MAPK8: variants seen among roughly 807,000 people sequenced by gnomAD.
MAPK8 encodes the protein mitogen-activated protein kinase 8.
A neutral mutation model predicts 52.9 loss-of-function variants in MAPK8; 13 were observed. The ratio of observed to expected loss-of-function variants is 0.25; its 90% CI spans 0.16 to 0.39. The LOEUF (loss-of-function observed/expected upper bound fraction) is 0.39. Among genes scored for constraint, MAPK8 ranks in the 10% least tolerant of loss-of-function variants. The pLI, the probability that MAPK8 is intolerant of heterozygous loss-of-function variation, is 1.00. For synonymous variants in MAPK8, 191 were observed against 169.8 expected, an observed-to-expected ratio of 1.12 and a Z score of -0.97; for missense variants, 300 against 519.2, an observed-to-expected ratio of 0.58 and a Z score of 4.10.
At chr10:48,379,317 G>T (rs2040852209) in intron 1 of MAPK8, among the ~76,000 whole-genome samples, 1 of 152,146 alleles carries the variant, frequency 6.6e-6, no homozygotes, top group Admixed American at 6.5e-5. Context: ...TTTCCAAGGG[G>T]CTTTTTATTG....
At chr10:48,398,064 A>G (rs1433126854) in intron 1 of MAPK8, among the ~76,000 whole-genome samples, 1 of 152,186 alleles carries the variant, frequency 6.6e-6, no homozygotes, top group Non-Finnish European at 1.5e-5. Context: ...TGATAGTTGT[A>G]CTATGGTTTG....
chr10:48,418,873 A>T (rs1405321578), intron 5 of MAPK8, among the ~76,000 whole-genome samples: 1 of 152,160 alleles, frequency 6.6e-6, no homozygotes, highest in Non-Finnish European at 1.5e-5. Context: ...TTGAAATTGG[A>T]ATGTTATTTC....
At chr10:48,391,450 G>A (rs1466923392) in intron 1 of MAPK8, among the ~76,000 whole-genome samples, 6 of 152,170 alleles carry the variant, frequency 3.9e-5, no homozygotes, top group Non-Finnish European at 8.8e-5. Context: ...CAAGCTTCAT[G>A]ATGGAGAGAT....
intron 5 of MAPK8, among the ~76,000 whole-genome samples, chr10:48,418,301 C>T (rs2043171766): frequency 6.6e-6 from 1 of 152,118 alleles, no homozygotes; most frequent in African/African-American, 2.4e-5. Flanking sequence ...TAATTAACAC[C>T]CCACCTCTGA....
At chr10:48,318,985 G>C (rs1367987382) in intron 1 of MAPK8, among the ~76,000 whole-genome samples, 3 of 152,172 alleles carry the variant, frequency 2.0e-5, no homozygotes, top group Non-Finnish European at 2.9e-5. Flanking sequence ...TAACCAGGGA[G>C]AGCTGGATTT....
chr10:48,414,448 A>AATT (rs2042948683), intron 5 of MAPK8, among the ~76,000 whole-genome samples: 1 of 133,822 alleles, frequency 7.5e-6, no homozygotes, highest in African/African-American at 2.8e-5. Flanking sequence ...TATTGAGAGG[A>AATT]TTTTTTTTTT....
intron 1 of MAPK8, among the ~76,000 whole-genome samples, chr10:48,346,920 A>G (rs919598674): frequency 2.6e-5 from 4 of 152,074 alleles, no homozygotes; most frequent in African/African-American, 4.8e-5. Context: ...GACCTTACCT[A>G]TCATTGGAGG....
intron 6 of MAPK8, among the ~76,000 whole-genome samples, chr10:48,421,285 TTTTA>T (rs2043339132): frequency 1.3e-5 from 2 of 152,352 alleles, no homozygotes; most frequent in South Asian, 4.1e-4. Context: ...GCTATTAATT[TTTTA>T]TTCTTAAGTA....
chr10:48,358,052 A>G (rs1847150671), intron 1 of MAPK8, among the ~76,000 whole-genome samples: 2 of 152,210 alleles, frequency 1.3e-5, no homozygotes, highest in Non-Finnish European at 1.5e-5. Context: ...CATTTTGTTT[A>G]TCCAGTCATT....
intron 1 of MAPK8, among the ~76,000 whole-genome samples, chr10:48,321,089 G>GTT (rs34616108): frequency 0.02 from 1,908 of 93,898 alleles, 70 homozygotes; most frequent in African/African-American, 0.055. Context: ...CGTTGTAAGA[G>GTT]TTTTTTTTTT....
At chr10:48,373,571 CAAAAAAAA>C (rs539162576) in intron 1 of MAPK8, among the ~76,000 whole-genome samples, 30 of 16,844 alleles carry the variant, frequency 1.8e-3, no homozygotes, top group South Asian at 0.014. Flanking sequence ...AAATTGAAAG[CAAAAAAAA>C]AAAAAAAAAA....
chr10:48,317,691 C>T (rs1842634808), intron 1 of MAPK8, among the ~76,000 whole-genome samples: 1 of 152,108 alleles, frequency 6.6e-6, no homozygotes, highest in Non-Finnish European at 1.5e-5. Flanking sequence ...TCTTTTCCAT[C>T]TAACAGGAGG....
chr10:48,308,929 G>T, intron 1 of MAPK8, among the ~76,000 whole-genome samples: 1 of 152,190 alleles, frequency 6.6e-6, no homozygotes, highest in East Asian at 1.9e-4. Context: ...GTATTTGAAA[G>T]AATATGAAAT....
chr10:48,308,931 A>G (rs1841672852), intron 1 of MAPK8, among the ~76,000 whole-genome samples: 1 of 152,264 alleles, frequency 6.6e-6, no homozygotes, highest in Non-Finnish European at 1.5e-5. Context: ...ATTTGAAAGA[A>G]TATGAAATGA....
At chr10:48,425,654 A>G (rs936384197) in intron 7 of MAPK8, 2 of 375,008 alleles carry the variant, frequency 5.3e-6, no homozygotes, top group Non-Finnish European at 9.4e-6. Flanking sequence ...CTTCCATTTT[A>G]AGGTAAAATC....
intron 1 of MAPK8, among the ~76,000 whole-genome samples, chr10:48,392,122 C>A (rs1321813701): frequency 6.6e-6 from 1 of 152,102 alleles, no homozygotes; most frequent in African/African-American, 2.4e-5. Context: ...ACTAACAGGC[C>A]GAGTGGAGAA....
chr10:48,410,196 C>T, intron 5 of MAPK8, 28 bp downstream of exon 5: 3 of 1,455,060 alleles, frequency 2.1e-6, no homozygotes, highest in African/African-American at 2.9e-5. Context: ...TCGTCATACT[C>T]TTTGTTTTCT....
At chr10:48,396,575 C>G (rs1027246206) in intron 1 of MAPK8, among the ~76,000 whole-genome samples, 1 of 152,204 alleles carries the variant, frequency 6.6e-6, no homozygotes, top group African/African-American at 2.4e-5. Flanking sequence ...CCATATCTTA[C>G]TCCTGGATAT....
intron 5 of MAPK8, among the ~76,000 whole-genome samples, chr10:48,412,490 T>C (rs2042812954): frequency 6.6e-6 from 1 of 152,234 alleles, no homozygotes; most frequent in Non-Finnish European, 1.5e-5. Context: ...TTTTTTCTGC[T>C]CATTTTTCTC....
Sources: gnomAD v4.1 joint callset for allele counts (sites outside exome capture counted in the v4.1 genomes callset) on GRCh38, gnomAD v4.1.1 for gene constraint, MANE v1.5 for transcripts, NCBI Gene and HGNC (gene_info 2026-07-23, HGNC 2026-07-21) for gene names.